Variants in TMEM259 observed in about 807,000 individuals in gnomAD.
TMEM259 encodes the protein transmembrane protein 259.
Under a neutral mutation model 46.7 loss-of-function variants are expected in TMEM259, and 26 were observed. The ratio of observed to expected loss-of-function variants is 0.56; its 90% CI spans 0.41 to 0.77. The LOEUF is 0.77. Among genes scored for constraint, TMEM259 ranks in the 30% least tolerant of loss-of-function variants. The pLI is 0.00. For missense variants in TMEM259, 930 were observed against 900.5 expected (o/e 1.03, Z -0.42); for synonymous variants, 494 against 395.1 (o/e 1.25, Z -2.97).
intron 1 of TMEM259, among the ~76,000 whole-genome samples, chr19:1,015,256 T>C (rs1472010524): frequency 6.6e-6 from 1 of 152,198 alleles, no homozygotes; most frequent in African/African-American, 2.4e-5. Context: ...TGCCAGCAGC[T>C]CTCACCTGGG....
At chr19:1,014,145 C>G (rs759792592) in intron 2 of TMEM259, 47 bp downstream of exon 2, 1 of 1,576,848 alleles carries the variant, frequency 6.3e-7, no homozygotes, top group Admixed American at 1.7e-5. Flanking sequence ...CGACCAGCAT[C>G]TACGGGGCGC....
chr19:1,011,549 C>T (rs373814411), intron 8 of TMEM259, 31 bp downstream of exon 8: 170 of 480,872 alleles, frequency 3.5e-4, no homozygotes, highest in African/African-American at 7.9e-4. Flanking sequence ...GGGTGCAGCG[C>T]GGGGCGGGGG....
At position 1,011,598 on chromosome 19, in the gene TMEM259, C is replaced by T. The variant is rs1210530708; in HGVS notation, c.1066G>A (p.Val356Ile). 9 of 1,544,520 alleles carry T rather than the reference C, an allele frequency of 5.8e-6. No individual in the cohort carries two copies. The highest frequency in any genetic ancestry group is 1.2e-5 in the South Asian group (1 of 83,916). The change falls in exon 8 of 11, where the codon GTC becomes ATC. Residue 356 changes from valine (V) to isoleucine (I), a missense_variant. Transcript: ENST00000356663. ...TCCTCACCGACGAGGGCCAGGATGACGGTCAGCAGGGGCGCTGCGGGGAAG... is the reference window on the plus strand; with the variant it reads ...TCCTCACCGACGAGGGCCAGGATGATGGTCAGCAGGGGCGCTGCGGGGAAG... ...IAFPAAPLLT[V>I]ILALVGMEAI... is the part of the protein sequence containing the mutation.
rs2240163 is a variant in TMEM259, at chr19:1,012,382, T to A, written c.718+81A>T. On this transcript the variant is annotated intron_variant, in intron 4 of 10. Coordinates refer to ENST00000356663, the MANE Select transcript of TMEM259 (RefSeq NM_001033026.2). ...CCAGTGCTTCCTGCACAGCCCCCCGTCCCGCACCAGCAGGAGGAGACCCGA... is the reference window on the plus strand; with the variant it reads ...CCAGTGCTTCCTGCACAGCCCCCCGACCCGCACCAGCAGGAGGAGACCCGA... The A allele has an allele frequency of 2.7e-5, 41 of 1,517,700 alleles. 2 individuals carry two copies. The South Asian group carries it at 5.0e-4, about 18-fold the overall frequency. 94.0% of individuals were successfully genotyped at this position (1,517,700 alleles called of 1,614,324 possible).
chr19:1,012,296 A>C (rs1220668340), intron 4 of TMEM259, 108 bp from the exon 5 acceptor site: 1 of 1,507,468 alleles, frequency 6.6e-7, no homozygotes, highest in Admixed American at 2.1e-5. Context: ...GGCCCTGCCC[A>C]TTCTTAGGAA....
At position 1,011,972 on chromosome 19, in the gene TMEM259, ACAC is replaced by A; in HGVS notation, c.859_861del (p.Val287del). 6.2e-7 allele frequency: 1 copy of A among 1,611,946 alleles called. No homozygotes were observed. Among genetic ancestry groups the A allele is most frequent in the Non-Finnish European group, 8.5e-7 (1 of 1,179,508 alleles). ...CTCACAAAGCGGTAGTGCTCGCCCG[ACAC>A]CACATTCCGCAGGAAGCCTGCAGCA... On this transcript the variant is annotated inframe_deletion, in exon 6 of 11. Transcript: ENST00000356663.
Position 1,011,744 on chromosome 19 carries a change from T to C in TMEM259, c.997A>G (p.Ile333Val), listed in dbSNP as rs2145568998. ...CCTGCGCCGGCGGGACACTCACCGA[T>C]GAAGACGAAGATCTGGTGGTGTGAG... ...RYSHHQIFVF[I>V]VDLLQMLEMN... The change falls in exon 7 of 11, where the codon ATC (isoleucine) becomes GTC (valine). Residue 333 changes from isoleucine to valine, a missense_variant. Coordinates refer to ENST00000356663, the MANE Select transcript of TMEM259 (RefSeq NM_001033026.2). The C allele has an allele frequency of 6.5e-7, 1 of 1,548,632 alleles. No homozygotes were observed. The highest frequency in any genetic ancestry group is 8.7e-7 in the Non-Finnish European group (1 of 1,145,570).
At chr19:1,011,549 C>CGGGGCG in intron 8 of TMEM259, 31 bp downstream of exon 8, 2 of 480,872 alleles carry the variant, frequency 4.2e-6, no homozygotes. Flanking sequence ...GGGTGCAGCG[C>CGGGGCG]GGGGCGGGGG....
chr19:1,014,931 G>A (rs542159984), intron 1 of TMEM259, among the ~76,000 whole-genome samples: 3 of 152,294 alleles, frequency 2.0e-5, no homozygotes, highest in South Asian at 2.1e-4. Flanking sequence ...AACGGCTCCC[G>A]CCCTGCAAGC....
At chr19:1,016,032 G>A (rs1444190425) in intron 1 of TMEM259, among the ~76,000 whole-genome samples, 1 of 152,246 alleles carries the variant, frequency 6.6e-6, no homozygotes, top group Non-Finnish European at 1.5e-5. Context: ...AGGAGCTGGA[G>A]AATCCCTTGG....
chr19:1,010,624 A>G lies in TMEM259; in HGVS notation c.1589T>C (p.Val530Ala). 1 of 1,547,466 alleles carries G rather than the reference A, an allele frequency of 6.5e-7. No homozygotes were observed. The highest frequency in any genetic ancestry group is 2.4e-5 in the East Asian group (1 of 41,228). ...CAGGTCACCACCGGCAGCTGCTGCCACTGAGGCTGCCGCGGCCACCAGGGA... is the reference window on the plus strand; with the variant it reads ...CAGGTCACCACCGGCAGCTGCTGCCGCTGAGGCTGCCGCGGCCACCAGGGA... ...PSSLVAAAAS[V>A]AAAAGGDLGW... The change falls in exon 11 of 11, where the codon GTG (valine) becomes GCG (alanine). Residue 530 changes from valine to alanine, a missense_variant. Transcript: ENST00000356663.
intron 8 of TMEM259, 25 bp from the exon 9 acceptor site, chr19:1,011,524 G>A: frequency 1.3e-6 from 2 of 1,536,574 alleles, no homozygotes; most frequent in Non-Finnish European, 1.8e-6. Context: ...GGCGCCGGTT[G>A]AAGCGGGCGG....
rs1385658677 is a variant in TMEM259 at position 1,021,038 on chromosome 19, G to A, written c.-42C>T. 10 of 1,320,082 alleles carry A rather than the reference G, an allele frequency of 7.6e-6. No individual in the cohort carries two copies. The highest frequency in any genetic ancestry group is 9.8e-6 in the Non-Finnish European group (10 of 1,025,122). The allele number at this position is 1,320,082 out of a possible 1,614,324, so 81.8% of individuals were successfully genotyped here. A position where few individuals can be genotyped will look rare whatever the true frequency, so the allele number is the denominator to read the frequency against. On this transcript the variant is annotated 5_prime_UTR_variant, in exon 1 of 11. Transcript: ENST00000356663. ...CCCTAACGACCCGCAAGTGTCCGAGGGCGCCTCCCGGCCGCCATCGGCCGC... is the reference window on the plus strand; with the variant it reads ...CCCTAACGACCCGCAAGTGTCCGAGAGCGCCTCCCGGCCGCCATCGGCCGC...
Position 1,010,508 on chromosome 19 carries a change from G to C in TMEM259, c.1705C>G (p.Pro569Ala). 2 of 1,547,790 alleles carry C rather than the reference G, an allele frequency of 1.3e-6. No homozygotes were observed. The highest frequency in any genetic ancestry group is 2.4e-5 in the South Asian group (2 of 84,034). ...ASLLERRPAS[P>A]LGPAGGLPHA... ...GGGAGGCCCCCAGCAGGGCCCAGCGGGCTGGCTGGACGCCGCTCCAGGAGG... is the reference window on the plus strand; with the variant it reads ...GGGAGGCCCCCAGCAGGGCCCAGCGCGCTGGCTGGACGCCGCTCCAGGAGG... The change falls in exon 11 of 11, where the codon CCG (proline) becomes GCG (alanine). Residue 569 changes from proline (P) to alanine (A), a missense_variant. Transcript: ENST00000356663.
At chr19:1,013,459 T>C in intron 2 of TMEM259, 119 bp from the exon 3 acceptor site, 1 of 996,010 alleles carries the variant, frequency 1.0e-6, no homozygotes, top group Non-Finnish European at 1.5e-6. Flanking sequence ...GCCCCACCAC[T>C]GACCAGGCCA....
In TMEM259 at chr19:1,012,051, C is replaced by T. The variant is rs185585241; in HGVS notation, c.841+15G>A. On this transcript the variant is annotated intron_variant, in intron 5 of 10. Transcript: ENST00000356663. ...ACCCGCGCCCTCGCACCCTCGGCCC[C>T]GGGGCATGCCTCACCCTTGTTCTCC... 82 of 1,612,036 alleles carry T rather than the reference C, an allele frequency of 5.1e-5. No homozygotes were observed. In the African/African-American group the frequency reaches 6.1e-4, roughly 12 times the overall value.
At chr19:1,017,690 C>A (rs944760758) in intron 1 of TMEM259, among the ~76,000 whole-genome samples, 1 of 152,170 alleles carries the variant, frequency 6.6e-6, no homozygotes, top group African/African-American at 2.4e-5. Flanking sequence ...ACTGGGTGGG[C>A]CTTTCCTTTC....
chr19:1,012,454 CAG>C lies in TMEM259; in HGVS notation c.718+7_718+8del. On this transcript the variant is annotated splice_region_variant and intron_variant, in intron 4 of 10. Coordinates refer to ENST00000356663, the MANE Select transcript of TMEM259 (RefSeq NM_001033026.2). ...ATGGAGCTCCCCAAGCCCAGCAGCT[CAG>C]ACTCACCCAGGGTGACCACCATGAC... 1.3e-6 allele frequency: 2 copies of C among 1,588,862 alleles called. No homozygotes were observed. Among genetic ancestry groups the C allele is most frequent in the Non-Finnish European group, 1.7e-6 (2 of 1,169,900 alleles).
chr19:1,010,610 C>G lies in TMEM259; in HGVS notation c.1603G>C (p.Gly535Arg). The change falls in exon 11 of 11, where the codon GGT (glycine) becomes CGT (arginine). Residue 535 changes from glycine (G) to arginine (R), a missense_variant. Gly to Arg is a moderately radical substitution (Grantham distance 125, BLOSUM62 -2). Coordinates refer to ENST00000356663, the MANE Select transcript of TMEM259 (RefSeq NM_001033026.2). ...AAAASVAAAAGGDLGWMAETA... is the reference protein window; with the variant it reads ...AAAASVAAAARGDLGWMAETA... Reference sequence around the variant, plus strand: ...TCTGCCATCCAACCCAGGTCACCACCGGCAGCTGCTGCCACTGAGGCTGCC... The same window carrying G: ...TCTGCCATCCAACCCAGGTCACCACGGGCAGCTGCTGCCACTGAGGCTGCC... The G allele has an allele frequency of 4.5e-6, 7 of 1,550,058 alleles. No homozygotes were observed. The highest frequency in any genetic ancestry group is 6.1e-6 in the Non-Finnish European group (7 of 1,149,764).
Sources: allele counts gnomAD v4.1 joint callset (sites outside exome capture counted in the v4.1 genomes callset), GRCh38; gene constraint gnomAD v4.1.1; transcripts MANE v1.5; gene names NCBI Gene and HGNC (gene_info 2026-07-23, HGNC 2026-07-21).